Variants in SGCE observed in about 807,000 individuals in gnomAD.
The protein encoded by SGCE is sarcoglycan epsilon.
SGCE carries 26 observed loss-of-function variants against 57.8 expected under a neutral mutation model. The ratio of observed to expected loss-of-function variants is 0.45; its 90% CI spans 0.33 to 0.62. SGCE has a LOEUF of 0.62. SGCE is among the 20% of genes least tolerant of loss of function. The probability of loss-of-function intolerance (pLI) is 0.02; values close to 1 mark genes in which losing one functional copy is unlikely to be tolerated. For missense variants in SGCE, 468 were observed against 548.6 expected, an observed-to-expected ratio of 0.85 and a Z score of 1.47; for synonymous variants, 183 against 189.5, an observed-to-expected ratio of 0.97 and a Z score of 0.28.
chr7:94,638,728 C>A (rs948368151), intron 1 of SGCE, among the ~76,000 whole-genome samples: 1 of 151,862 alleles, frequency 6.6e-6, no homozygotes, highest in Non-Finnish European at 1.5e-5. Context: ...TAAGTAATGC[C>A]TTTTCTCCAT....
At chr7:94,586,347 A>AT (rs1796912104) in intron 10 of SGCE, among the ~76,000 whole-genome samples, 1 of 152,222 alleles carries the variant, frequency 6.6e-6, no homozygotes, top group Non-Finnish European at 1.5e-5. Flanking sequence ...AAAAATATAT[A>AT]AACAGCACTA....
chr7:94,650,253 G>A (rs1157278454), intron 1 of SGCE, among the ~76,000 whole-genome samples: 1 of 152,188 alleles, frequency 6.6e-6, no homozygotes, highest in African/African-American at 2.4e-5. Flanking sequence ...AGGGAGGGGA[G>A]GTTGCAGAAG....
At position 94,618,643 on chromosome 7, in the gene SGCE, C is replaced by A. The variant is rs548086507; in HGVS notation, c.662+115G>T. On this transcript the variant is annotated intron_variant, in intron 5 of 10. Coordinates refer to ENST00000648936, the MANE Select transcript of SGCE (RefSeq NM_003919.3). ...TAGTATGTTCATATCTTTACAATAT[C>A]TATTTCTTATTAAAACGAAAAATGC... The A allele has an allele frequency of 2.3e-5, 19 of 811,600 alleles. 1 individual carries two copies. In the African/African-American group the frequency reaches 2.6e-4, roughly 11 times the overall value. The allele number at this position is 811,600 out of a possible 1,614,324, so 50.3% of individuals were successfully genotyped here.
At chr7:94,596,450 A>G (rs1798413023) in intron 9 of SGCE, among the ~76,000 whole-genome samples, 1 of 152,130 alleles carries the variant, frequency 6.6e-6, no homozygotes, top group Non-Finnish European at 1.5e-5. Context: ...TTTCTACTCT[A>G]AAATTCTACA....
intron 1 of SGCE, among the ~76,000 whole-genome samples, chr7:94,632,604 T>C (rs1191435148): frequency 1.3e-5 from 2 of 152,082 alleles, no homozygotes; most frequent in African/African-American, 4.8e-5. Flanking sequence ...CATCTAGAAA[T>C]GGAAAATGAC....
At chr7:94,604,843 ATATATATATATATAT>A (rs1799836783) in intron 5 of SGCE, among the ~76,000 whole-genome samples, 3 of 75,524 alleles carry the variant, frequency 4.0e-5, no homozygotes, top group South Asian at 6.2e-4. Context: ...ATATATATAT[ATATATATATATATAT>A]AATAGTTGTT....
At chr7:94,585,958 C>T (rs182866615) in intron 10 of SGCE, among the ~76,000 whole-genome samples, 1 of 147,710 alleles carries the variant, frequency 6.8e-6, no homozygotes, top group East Asian at 2.1e-4. Flanking sequence ...CTTTTAACTG[C>T]TCTATTATCC....
intron 10 of SGCE, chr7:94,587,391 C>T (rs1315090596): frequency 1.8e-6 from 2 of 1,098,666 alleles, no homozygotes; most frequent in East Asian, 5.3e-5. Flanking sequence ...CTGCTTCCTA[C>T]TCACTCCATG....
At chr7:94,599,811 T>C (rs1398949766) in intron 7 of SGCE, 88 bp from the exon 8 acceptor site, 1 of 971,374 alleles carries the variant, frequency 1.0e-6, no homozygotes, top group African/African-American at 1.6e-5. Context: ...TTGCATGATG[T>C]GGAAATGCTG....
In SGCE at chr7:94,607,706, C is replaced by T. The variant is rs370021001; in HGVS notation, c.663-4254G>A. On this transcript the variant is annotated intron_variant, in intron 5 of 10. Coordinates refer to ENST00000648936, the MANE Select transcript of SGCE (RefSeq NM_003919.3). The stretch of plus-strand genomic sequence containing the variant: ...AAATGAGAAACTTGAAGTTTTCCTA[C>T]TAGTATCAGGAAAAAGTTAAGAATG... Among the ~76,000 whole-genome samples, 7 of 152,262 alleles carry T rather than the reference C, an allele frequency of 4.6e-5. No homozygotes were observed. The South Asian group carries it at 1.4e-3, about 32-fold the overall frequency.
intron 10 of SGCE, chr7:94,587,538 T>A: frequency 2.3e-6 from 3 of 1,297,612 alleles, no homozygotes; most frequent in Non-Finnish European, 2.9e-6. Flanking sequence ...AGCTGTGAAA[T>A]TAGTGGTAGT....
Position 94,586,745 on chromosome 7 carries a change from G to A in SGCE, c.1298-1230C>T, listed in dbSNP as rs1037549024. The A allele has an allele frequency of 9.0e-5, 60 of 668,254 alleles. No homozygotes were observed. The African/African-American group carries it at 1.1e-3, about 12-fold the overall frequency. The allele number at this position is 668,254 out of a possible 1,614,324, so 41.4% of individuals were successfully genotyped here. On this transcript the variant is annotated intron_variant, in intron 10 of 10. Coordinates refer to ENST00000648936, the MANE Select transcript of SGCE (RefSeq NM_003919.3). ...TTGAACTCCTGACCTCAGGTGATCCGCCTGCCTTGGCCTCCCAAAGTGCTG... is the reference window on the plus strand; with the variant it reads ...TTGAACTCCTGACCTCAGGTGATCCACCTGCCTTGGCCTCCCAAAGTGCTG...
intron 2 of SGCE, chr7:94,628,928 G>A (rs140360481): frequency 2.6e-4 from 40 of 154,176 alleles, no homozygotes; most frequent in African/African-American, 9.4e-4. Context: ...TGTGTTAAAT[G>A]CTTTACAAGC....
At chr7:94,632,724 C>A (rs780791949) in intron 1 of SGCE, among the ~76,000 whole-genome samples, 1 of 152,072 alleles carries the variant, frequency 6.6e-6, no homozygotes, top group Non-Finnish European at 1.5e-5. Flanking sequence ...CTTTCCCTTT[C>A]GCATTTGTTA....
intron 4 of SGCE, 71 bp from the exon 5 acceptor site, chr7:94,619,027 T>C: frequency 1.8e-6 from 2 of 1,130,018 alleles, no homozygotes; most frequent in Non-Finnish European, 2.7e-6. Context: ...AAAAGAACAA[T>C]TTGCGATTTG....
At chr7:94,598,387 G>T (rs947701296) in intron 9 of SGCE, 2 of 221,200 alleles carry the variant, frequency 9.0e-6, no homozygotes, top group African/African-American at 4.7e-5. Flanking sequence ...AAGGTCTATG[G>T]TAATAACATT....
intron 3 of SGCE, chr7:94,626,132 C>A (rs1028113170): frequency 2.0e-5 from 3 of 152,004 alleles, no homozygotes; most frequent in African/African-American, 7.2e-5. Context: ...AGTGAAATAT[C>A]TGTTTCTTAT....
intron 4 of SGCE, chr7:94,619,829 G>T (rs1361244192): frequency 6.6e-6 from 1 of 152,128 alleles, no homozygotes; most frequent in Non-Finnish European, 1.5e-5. Context: ...CTTTAGAGAG[G>T]TCCAGAAGCT....
intron 5 of SGCE, among the ~76,000 whole-genome samples, chr7:94,615,998 G>C (rs189053953): frequency 6.6e-6 from 1 of 152,294 alleles, no homozygotes; most frequent in East Asian, 1.9e-4. Context: ...TTTTCAGAGG[G>C]CTCAGCCTTC....
Sources: allele counts gnomAD v4.1 joint callset (sites outside exome capture counted in the v4.1 genomes callset), GRCh38; gene constraint gnomAD v4.1.1; transcripts MANE v1.5; gene names NCBI Gene and HGNC (gene_info 2026-07-23, HGNC 2026-07-21).